Variants in TENM1 observed in about 807,000 individuals in gnomAD.
The protein encoded by TENM1 is teneurin-1.
In TENM1, 35 loss-of-function variants were observed where a neutral mutation model predicts 174.8. The ratio of observed to expected loss-of-function variants is 0.20; its 90% CI spans 0.15 to 0.27. The LOEUF (loss-of-function observed/expected upper bound fraction) is 0.27. Ranked by LOEUF, TENM1 falls within the 10% of genes least tolerant of loss-of-function variation. The pLI is 1.00. For missense variants in TENM1, 1,633 were observed against 2,130.1 expected, an observed-to-expected ratio of 0.77 and a Z score of 4.59; for synonymous variants, 781 against 798.7, an observed-to-expected ratio of 0.98 and a Z score of 0.37.
intron 3 of TENM1, among the ~76,000 whole-genome samples, chrX:124,891,613 C>A (rs186918440): frequency 9.3e-6 from 1 of 107,503 alleles, no homozygotes; most frequent in Non-Finnish European, 1.9e-5. Flanking sequence ...GAGCCACGAT[C>A]GCACCACTGC....
chrX:124,562,407 C>G (rs2843524), intron 13 of TENM1, among the ~76,000 whole-genome samples: 59,933 of 110,906 alleles, frequency 0.54, 14,038 homozygotes, highest in East Asian at 0.91. Flanking sequence ...TGCGGGCTAA[C>G]GATTGAAATC....
chrX:125,070,097 G>A, the TENM1 span, among the ~76,000 whole-genome samples: 1 of 109,795 alleles, frequency 9.1e-6, no homozygotes, highest in Admixed American at 9.8e-5. Context: ...AGGCTGAGGA[G>A]GGAGGATCAC....
At chrX:124,566,173 T>C (rs2048937457) in intron 11 of TENM1, among the ~76,000 whole-genome samples, 1 of 112,175 alleles carries the variant, frequency 8.9e-6, no homozygotes, top group South Asian at 3.7e-4. Context: ...ATAATAACTT[T>C]CTAATAAAAT....
In TENM1 at chrX:124,785,587, T is replaced by C. The variant is rs761566284; in HGVS notation, c.536-48390A>G. ...CACTGACAAGAATATTTTGACTTGCTTTGAAGTTATATTTTATATTGTAAA... is the reference window on the plus strand; with the variant it reads ...CACTGACAAGAATATTTTGACTTGCCTTGAAGTTATATTTTATATTGTAAA... On this transcript the variant is annotated intron_variant, in intron 3 of 31. Transcript: ENST00000422452. Among the ~76,000 whole-genome samples the C allele has an allele frequency of 2.7e-5, 3 of 112,449 alleles. No homozygotes were observed. In the East Asian group the frequency reaches 8.4e-4, roughly 31 times the overall value.
chrX:124,992,110 G>T, the TENM1 span, among the ~76,000 whole-genome samples: 1 of 111,118 alleles, frequency 9.0e-6, no homozygotes, highest in Non-Finnish European at 1.9e-5. Flanking sequence ...CAAAATACCT[G>T]AATATCTGCT....
chrX:124,753,919 A>G (rs1398482407), intron 3 of TENM1, among the ~76,000 whole-genome samples: 3 of 111,774 alleles, frequency 2.7e-5, no homozygotes, highest in Non-Finnish European at 3.8e-5. Context: ...TTTTGCATCA[A>G]TATTCATCAA....
rs771583500 is a variant in TENM1, at chrX:124,585,892, G to T, written c.2078-20332C>A. Among the ~76,000 whole-genome samples the T allele has an allele frequency of 1.2e-4, 13 of 110,868 alleles. No homozygotes were observed. The South Asian group carries it at 4.9e-3, about 42-fold the overall frequency. ...CCCACAGAAATACAAACTACCATCA[G>T]GGAATACTACAGATACCTCTACACA... On this transcript the variant is annotated intron_variant, in intron 11 of 31. Coordinates refer to ENST00000422452, the Ensembl canonical transcript of TENM1.
the TENM1 span, among the ~76,000 whole-genome samples, chrX:125,050,176 TATACTTCA>T: frequency 9.2e-6 from 1 of 108,983 alleles, no homozygotes; most frequent in Non-Finnish European, 1.9e-5. Context: ...TTATTATTAT[TATACTTCA>T]AGTTTTAGGG....
intron 3 of TENM1, among the ~76,000 whole-genome samples, chrX:124,839,715 T>C (rs2056460175): frequency 8.9e-6 from 1 of 111,957 alleles, no homozygotes; most frequent in African/African-American, 3.2e-5. Flanking sequence ...CTTTACAGTA[T>C]TTTTTTCTAA....
chrX:124,615,211 T>C (rs2050371862), intron 11 of TENM1, among the ~76,000 whole-genome samples: 2 of 112,421 alleles, frequency 1.8e-5, no homozygotes, highest in Admixed American at 1.9e-4. Context: ...TAGCATTTCA[T>C]GTCTACATCA....
chrX:124,485,464 A>G lies in TENM1; in HGVS notation c.3716+1745T>C, dbSNP rs1603285845. Among the ~76,000 whole-genome samples the G allele has an allele frequency of 4.5e-5, 5 of 111,421 alleles. No individual in the cohort carries two copies. In the South Asian group the frequency reaches 1.9e-3, roughly 42 times the overall value. Reference sequence around the variant, plus strand: ...TTGCCTTCAGAATAAAATTTTTCCAATGTGCTCAGATCTTTCTAGAAAAAA... The same window carrying G: ...TTGCCTTCAGAATAAAATTTTTCCAGTGTGCTCAGATCTTTCTAGAAAAAA... On this transcript the variant is annotated intron_variant, in intron 21 of 31. Coordinates refer to ENST00000422452, the Ensembl canonical transcript of TENM1.
intron 1 of TENM1, among the ~76,000 whole-genome samples, chrX:124,944,446 T>C (rs193155583): frequency 1.9e-4 from 20 of 108,084 alleles, no homozygotes; most frequent in African/African-American, 5.8e-4. Context: ...GTAAATAAAA[T>C]AGGGCAATAT....
rs376755403 is a variant in TENM1, at chrX:124,955,797, G to GCACACACACACACA, written c.217+7726_217+7739dup. On this transcript the variant is annotated intron_variant, in intron 1 of 31. Coordinates refer to ENST00000422452, the Ensembl canonical transcript of TENM1. The stretch of plus-strand genomic sequence containing the variant: ...ATAAACAGATACAACACACGCGCAC[G>GCACACACACACACA]CACACACACACACACACACACACAC... Among the ~76,000 whole-genome samples, 512 of 91,230 alleles carry GCACACACACACACA rather than the reference G, an allele frequency of 5.6e-3. 2 individuals carry two copies. Among genetic ancestry groups the GCACACACACACACA allele is most frequent in the Non-Finnish European group, 8.5e-3 (407 of 47,955 alleles). 79.2% of individuals were successfully genotyped at this position (91,230 alleles called of 115,157 possible). A position where few individuals can be genotyped will look rare whatever the true frequency, so the allele number is the denominator to read the frequency against.
At chrX:124,837,387 C>G (rs946828006) in intron 3 of TENM1, among the ~76,000 whole-genome samples, 7 of 112,257 alleles carry the variant, frequency 6.2e-5, no homozygotes, top group African/African-American at 1.9e-4. Flanking sequence ...CGACGCCCAG[C>G]CTTTTTTTCT....
At chrX:125,175,624 T>G in the TENM1 span, among the ~76,000 whole-genome samples, 3 of 110,887 alleles carry the variant, frequency 2.7e-5, no homozygotes, top group Non-Finnish European at 3.8e-5. Flanking sequence ...GCAATGAGAA[T>G]AAAGGGCTTA....
At chrX:125,083,884 A>G in the TENM1 span, among the ~76,000 whole-genome samples, 2 of 110,897 alleles carry the variant, frequency 1.8e-5, no homozygotes, top group African/African-American at 6.5e-5. Context: ...AGCTCCCAGG[A>G]GTAGTCTCTG....
chrX:124,494,053 A>G (rs1313804431), intron 20 of TENM1, among the ~76,000 whole-genome samples: 2 of 111,672 alleles, frequency 1.8e-5, no homozygotes, highest in Non-Finnish European at 3.8e-5. Context: ...AACACTCAGT[A>G]TTAGAAAATG....
chrX:125,165,688 G>A, the TENM1 span, among the ~76,000 whole-genome samples: 1 of 111,405 alleles, frequency 9.0e-6, no homozygotes, highest in African/African-American at 3.3e-5. Flanking sequence ...TTGCTTCAGT[G>A]GAGAACTCAG....
the TENM1 span, among the ~76,000 whole-genome samples, chrX:125,169,684 A>T: frequency 3.6e-5 from 4 of 111,424 alleles, no homozygotes; most frequent in Non-Finnish European, 7.6e-5. Flanking sequence ...ATCAAAAGTC[A>T]GTTTCTTAAA....
Sources: allele counts gnomAD v4.1 joint callset (sites outside exome capture counted in the v4.1 genomes callset), GRCh38; gene constraint gnomAD v4.1.1; transcripts MANE v1.5; gene names NCBI Gene and HGNC (gene_info 2026-07-23, HGNC 2026-07-21).